IPO9: variants seen among roughly 807,000 people sequenced by gnomAD.
IPO9 encodes the protein importin 9.
In IPO9, 28 loss-of-function variants were observed where a neutral mutation model predicts 128.6. The ratio of observed to expected loss-of-function variants is 0.22; its 90% confidence interval spans 0.16 to 0.30. IPO9 has a LOEUF of 0.30. Among genes scored for constraint, IPO9 ranks in the 10% least tolerant of loss-of-function variants. The pLI, the probability that IPO9 is intolerant of heterozygous loss-of-function variation, is 1.00. For synonymous variants in IPO9, 455 were observed against 475.8 expected (o/e 0.96, Z 0.57); for missense variants, 935 against 1,293.9 (o/e 0.72, Z 4.26).
At chr1:201,838,838 G>T (rs1356231831) in intron 1 of IPO9, among the ~76,000 whole-genome samples, 1 of 151,860 alleles carries the variant, frequency 6.6e-6, no homozygotes, top group African/African-American at 2.4e-5. Flanking sequence ...AGGACGTAAT[G>T]GTTTTTTAAA....
Position 201,857,124 on chromosome 1 carries a change from A to G in IPO9, c.1151A>G (p.Gln384Arg). Residue 384 changes from glutamine (Q) to arginine (R), a missense_variant, in exon 11 of 24, where the codon CAA becomes CGA. Physicochemically the swap from Gln to Arg is conservative, Grantham distance 43. Transcript: ENST00000361565. ...QIKVWTANPQ[Q>R]FVEDEDDDTF... ...AAAGTATGGACAGCCAACCCCCAAC[A>G]ATTTGTAGAAGATGAAGATGATGAT... 1 of 1,612,832 alleles carries G rather than the reference A, an allele frequency of 6.2e-7. No homozygotes were observed. Among genetic ancestry groups the G allele is most frequent in the South Asian group, 1.1e-5 (1 of 91,068 alleles).
chr1:201,874,106 C>T (rs1391629745), intron 20 of IPO9, 144 bp from the exon 21 acceptor site: 32 of 798,864 alleles, frequency 4.0e-5, no homozygotes, highest in Non-Finnish European at 4.1e-6. Context: ...CTTTAAGTCA[C>T]TCTTTGGAGA....
At position 201,846,336 on chromosome 1, in the gene IPO9, G is replaced by A. The variant is rs188152021; in HGVS notation, c.164-943G>A. 5.9e-3 allele frequency among the ~76,000 whole-genome samples: 901 copies of A among 152,208 alleles called. 10 individuals are homozygous for A. Among genetic ancestry groups the A allele is most frequent in the Non-Finnish European group, 7.6e-3 (517 of 68,002 alleles). ...ATCTCACCTTTTAAGTTGTCCTCAG[G>A]AATAGATGGTCCCATGATATTTTGT... On this transcript the variant is annotated intron_variant, in intron 1 of 23. Transcript: ENST00000361565.
chr1:201,855,291 G>A (rs1680310833), intron 9 of IPO9, 109 bp downstream of exon 9: 6 of 668,954 alleles, frequency 9.0e-6, no homozygotes, highest in Non-Finnish European at 1.6e-5. Context: ...TCTATTAAGT[G>A]TTTTCTAATT....
chr1:201,863,694 C>T, intron 14 of IPO9, 87 bp downstream of exon 14: 1 of 1,224,160 alleles, frequency 8.2e-7, no homozygotes, highest in Non-Finnish European at 1.1e-6. Context: ...TATTATGTTG[C>T]TTGGAAATCC....
rs1379928735 is a variant in IPO9, at chr1:201,883,052, T to G, written c.*6998T>G. ...TGAATTGTAGCACTGCAGCCCTGCC[T>G]GAGGAACATGATAGAAACAGGTGGT... On this transcript the variant is annotated 3_prime_UTR_variant, in exon 24 of 24. Coordinates refer to ENST00000361565, the MANE Select transcript of IPO9 (RefSeq NM_018085.5). 1 of 152,608 alleles carries G rather than the reference T, an allele frequency of 6.6e-6. No individual in the cohort carries two copies. Among genetic ancestry groups the G allele is most frequent in the Non-Finnish European group, 1.5e-5 (1 of 68,050 alleles). 9.5% of individuals were successfully genotyped at this position (152,608 alleles called of 1,614,324 possible).
At chr1:201,837,486 C>T (rs190993577) in intron 1 of IPO9, among the ~76,000 whole-genome samples, 99 of 152,092 alleles carry the variant, frequency 6.5e-4, no homozygotes, top group Non-Finnish European at 1.2e-3. Context: ...TTCTTTTTCC[C>T]TTTTGTGAGC....
At chr1:201,856,525 A>C (rs979848972) in intron 10 of IPO9, among the ~76,000 whole-genome samples, 14 of 152,242 alleles carry the variant, frequency 9.2e-5, no homozygotes. Context: ...GGGTAACAGC[A>C]GGTTGACATT....
rs191081831 is a variant in IPO9, at chr1:201,876,412, G to A, written c.*358G>A. 28 of 383,238 alleles carry A rather than the reference G, an allele frequency of 7.3e-5. No individual in the cohort carries two copies. Among genetic ancestry groups the A allele is most frequent in the African/African-American group, 3.9e-4 (19 of 48,206 alleles). The allele number at this position is 383,238 out of a possible 1,614,324, so 23.7% of individuals were successfully genotyped here. ...GATTATTTTGCCCCGCCTCAGGAGC[G>A]CAGGAAGTCACTACCATTTATATTC... On this transcript the variant is annotated 3_prime_UTR_variant, in exon 24 of 24. Transcript: ENST00000361565.
intron 6 of IPO9, among the ~76,000 whole-genome samples, chr1:201,853,522 A>T (rs1380694462): frequency 6.7e-6 from 1 of 148,320 alleles, no homozygotes. Flanking sequence ...CATGAACCAC[A>T]ACACTCAGCT....
Position 201,845,021 on chromosome 1 carries a change from TG to T in IPO9, c.164-2255del, listed in dbSNP as rs574252839. On this transcript the variant is annotated intron_variant, in intron 1 of 23. Transcript: ENST00000361565. ...GATATATTGATACCAGTATTTTTTT[TG>T]GGAGGGGGGGGCGTACAGAGTTTCC... Among the ~76,000 whole-genome samples the T allele has an allele frequency of 3.4e-4, 47 of 139,270 alleles. No individual in the cohort carries two copies. The South Asian group carries it at 7.4e-3, about 22-fold the overall frequency. 91.4% of individuals were successfully genotyped at this position (139,270 alleles called of 152,430 possible).
Position 201,858,432 on chromosome 1 carries a change from C to T in IPO9, c.1222-15C>T, listed in dbSNP as rs1160848725. 1 of 1,441,242 alleles carries T rather than the reference C, an allele frequency of 6.9e-7. No individual in the cohort carries two copies. Among genetic ancestry groups the T allele is most frequent in the Non-Finnish European group, 9.4e-7 (1 of 1,061,628 alleles). 89.3% of individuals were successfully genotyped at this position (1,441,242 alleles called of 1,614,324 possible). On this transcript the variant is annotated splice_polypyrimidine_tract_variant and intron_variant, in intron 11 of 23. Transcript: ENST00000361565. ...ATGGGCACAAACAGATTTATTAGCT[C>T]TTCTCTCTCTATAGGCTGTGGCCAC... is the stretch of plus-strand genomic sequence containing the variant.
At chr1:201,862,966 G>A (rs1680477359) in intron 13 of IPO9, among the ~76,000 whole-genome samples, 1 of 152,150 alleles carries the variant, frequency 6.6e-6, no homozygotes, top group Non-Finnish European at 1.5e-5. Context: ...TTGTACCACA[G>A]GTCACACATT....
chr1:201,842,397 C>A (rs1234396849), intron 1 of IPO9, among the ~76,000 whole-genome samples: 1 of 152,022 alleles, frequency 6.6e-6, no homozygotes, highest in Non-Finnish European at 1.5e-5. Context: ...AACCACTGAC[C>A]ATTGATGATC....
rs1680731159 is a variant in IPO9, at chr1:201,874,861, G to A, written c.2863G>A (p.Glu955Lys). 6.2e-7 allele frequency: 1 copy of A among 1,613,386 alleles called. No individual in the cohort carries two copies. Among genetic ancestry groups the A allele is most frequent in the African/African-American group, 1.3e-5 (1 of 75,012 alleles). Residue 955 changes from glutamate to lysine, a missense_variant, in exon 22 of 24, where the codon GAG (glutamate) becomes AAG (lysine). By Grantham distance (56) the Glu-to-Lys change is moderately conservative. Around this residue, in one of 3 missense-constraint regions of IPO9, gnomAD observed 188 missense variants for 246.7 expected, o/e 0.76. Coordinates refer to ENST00000361565, the MANE Select transcript of IPO9 (RefSeq NM_018085.5). ...DDSNDMWEDQEEEEEEEEDGL... is the reference protein window; with the variant it reads ...DDSNDMWEDQKEEEEEEEDGL... ...CTCCAATGATATGTGGGAGGACCAG[G>A]AGGAGGAAGAGGAGGAGGAGGAGGA... is the stretch of plus-strand genomic sequence containing the variant.
intron 1 of IPO9, among the ~76,000 whole-genome samples, chr1:201,835,506 A>C (rs913372299): frequency 1.4e-4 from 21 of 152,202 alleles, no homozygotes; most frequent in African/African-American, 5.1e-4. Flanking sequence ...ATTAAGGAGA[A>C]TCTAGAGTCA....
chr1:201,844,326 A>G (rs1232376750), intron 1 of IPO9, among the ~76,000 whole-genome samples: 1 of 152,186 alleles, frequency 6.6e-6, no homozygotes, highest in Non-Finnish European at 1.5e-5. Context: ...TCAATCTAAA[A>G]CATGAGGAAA....
At chr1:201,875,437 A>G (rs1025649084) in intron 23 of IPO9, among the ~76,000 whole-genome samples, 10 of 152,080 alleles carry the variant, frequency 6.6e-5, no homozygotes, top group Non-Finnish European at 1.5e-4. Context: ...AAATAATTTA[A>G]AAATTATCTG....
intron 1 of IPO9, among the ~76,000 whole-genome samples, chr1:201,837,669 GT>G: frequency 6.6e-6 from 1 of 152,106 alleles, no homozygotes; most frequent in Non-Finnish European, 1.5e-5. Flanking sequence ...TTTTGATCTT[GT>G]TTTAGTTTGT....
Sources: gnomAD v4.1 joint callset for allele counts (sites outside exome capture counted in the v4.1 genomes callset) on GRCh38, gnomAD v4.1.1 for gene constraint, gnomAD v4.1.1 regional missense constraint, MANE v1.5 for transcripts, NCBI Gene and HGNC (gene_info 2026-07-23, HGNC 2026-07-21) for gene names.